ADAM22: variants seen among roughly 807,000 people sequenced by gnomAD.
ADAM22 encodes the protein disintegrin and metalloproteinase domain-containing protein 22.
In ADAM22, 65 loss-of-function variants were observed where a neutral mutation model predicts 144.6. The ratio of observed to expected loss-of-function variants is 0.45; its 90% CI spans 0.37 to 0.55. ADAM22 has a LOEUF of 0.55. Among genes scored for constraint, ADAM22 ranks in the 20% least tolerant of loss-of-function variants. ADAM22 has a pLI of 0.00. For synonymous variants in ADAM22, 391 were observed against 412.6 expected, an observed-to-expected ratio of 0.95 and a Z score of 0.63; for missense variants, 974 against 1,184.9, an observed-to-expected ratio of 0.82 and a Z score of 2.61.
intron 2 of ADAM22, among the ~76,000 whole-genome samples, chr7:87,969,463 T>G (rs541271795): frequency 1.3e-5 from 2 of 152,346 alleles, no homozygotes; most frequent in Admixed American, 1.3e-4. Flanking sequence ...CTTCCTCTTG[T>G]GACTGTGAGT....
intron 3 of ADAM22, among the ~76,000 whole-genome samples, chr7:88,018,641 A>G (rs1224915144): frequency 6.6e-6 from 1 of 152,206 alleles, no homozygotes. Flanking sequence ...AAAGAAACCA[A>G]TCTTTCCAAG....
chr7:87,962,186 A>G (rs747032505), intron 2 of ADAM22, among the ~76,000 whole-genome samples: 10 of 152,270 alleles, frequency 6.6e-5, no homozygotes, highest in Non-Finnish European at 1.2e-4. Context: ...TTACTAGAGA[A>G]CTCACAAGGA....
intron 3 of ADAM22, among the ~76,000 whole-genome samples, chr7:88,030,530 C>T (rs1799994513): frequency 6.6e-6 from 1 of 152,086 alleles, no homozygotes; most frequent in Non-Finnish European, 1.5e-5. Context: ...ACCCAAATCT[C>T]ATGTTGAATT....
At chr7:88,133,086 G>A in intron 12 of ADAM22, 135 bp downstream of exon 12, 1 of 704,530 alleles carries the variant, frequency 1.4e-6, no homozygotes, top group Admixed American at 2.9e-5. Context: ...ATGGTGGCCT[G>A]GCACAATGGC....
intron 3 of ADAM22, among the ~76,000 whole-genome samples, chr7:88,040,821 G>A (rs1437885866): frequency 1.3e-5 from 2 of 151,900 alleles, no homozygotes; most frequent in African/African-American, 4.8e-5. Flanking sequence ...TACATCTGAG[G>A]TTTGGGGGTT....
At chr7:88,060,040 A>G (rs1375811795) in intron 3 of ADAM22, among the ~76,000 whole-genome samples, 2 of 152,204 alleles carry the variant, frequency 1.3e-5, no homozygotes, top group Non-Finnish European at 2.9e-5. Context: ...ACTATATTAT[A>G]GTCTAGTAAG....
In ADAM22 at chr7:88,201,265, G is replaced by T. The variant is rs1851185247; in HGVS notation, c.*4774G>T. On this transcript the variant is annotated 3_prime_UTR_variant, in exon 32 of 32. Transcript: ENST00000413139. The stretch of plus-strand genomic sequence containing the variant: ...CCCTAGGATGCTCTAGGGAGTAGAG[G>T]TGGCAGGCATCTTTATCTTCACCCA... 1 of 152,206 alleles carries T rather than the reference G, an allele frequency of 6.6e-6. No homozygotes were observed. Among genetic ancestry groups the T allele is most frequent in the South Asian group, 2.1e-4 (1 of 4,824 alleles). 9.4% of individuals were successfully genotyped at this position (152,206 alleles called of 1,614,324 possible).
At chr7:88,070,570 G>A (rs1032367079) in intron 3 of ADAM22, among the ~76,000 whole-genome samples, 3 of 152,170 alleles carry the variant, frequency 2.0e-5, no homozygotes, top group Non-Finnish European at 4.4e-5. Flanking sequence ...TCTTATGCAA[G>A]CATCACTTCA....
intron 4 of ADAM22, among the ~76,000 whole-genome samples, chr7:88,098,920 T>C (rs1822175314): frequency 6.6e-6 from 1 of 152,228 alleles, no homozygotes. Context: ...CACCAATGAA[T>C]GTTGAAATAG....
chr7:87,945,516 CTTTT>C (rs773312797), intron 2 of ADAM22, among the ~76,000 whole-genome samples: 2 of 140,766 alleles, frequency 1.4e-5, no homozygotes, highest in South Asian at 2.2e-4. Flanking sequence ...TCTTTTCTTT[CTTTT>C]TTTTTTTTTT....
rs1447499095 is a variant in ADAM22, at chr7:88,202,059, GTAA to G, written c.*5574_*5576del. The G allele has an allele frequency of 2.0e-5, 3 of 152,108 alleles. No individual in the cohort carries two copies. The highest frequency in any genetic ancestry group is 4.4e-5 in the Non-Finnish European group (3 of 68,018). The allele number at this position is 152,108 out of a possible 1,614,324, so 9.4% of individuals were successfully genotyped here. ...CAGAAAATGCTGATATGAATACTTA[GTAA>G]TAATACAAAAGTTCCTGCTAAATTA... On this transcript the variant is annotated 3_prime_UTR_variant, in exon 32 of 32. Transcript: ENST00000413139.
At chr7:88,019,000 T>C (rs1434457312) in intron 3 of ADAM22, among the ~76,000 whole-genome samples, 1 of 152,166 alleles carries the variant, frequency 6.6e-6, no homozygotes, top group Non-Finnish European at 1.5e-5. Context: ...GTAAGAGTAT[T>C]TATCTCATGA....
At chr7:88,055,683 G>A (rs1808058952) in intron 3 of ADAM22, among the ~76,000 whole-genome samples, 1 of 152,132 alleles carries the variant, frequency 6.6e-6, no homozygotes, top group Non-Finnish European at 1.5e-5. Context: ...TTCTCCATAG[G>A]GAGGGTAAGA....
intron 26 of ADAM22, among the ~76,000 whole-genome samples, chr7:88,178,124 A>G (rs1846120359): frequency 1.3e-5 from 2 of 152,190 alleles, no homozygotes; most frequent in Non-Finnish European, 2.9e-5. Flanking sequence ...ATCTTAATTT[A>G]TTGAAAATCA....
chr7:87,939,999 C>T (rs1012935782), intron 2 of ADAM22, among the ~76,000 whole-genome samples: 5 of 151,840 alleles, frequency 3.3e-5, no homozygotes, highest in African/African-American at 1.2e-4. Flanking sequence ...TCGAGACCAG[C>T]CTGACCAATA....
At position 87,934,365 on chromosome 7, in the gene ADAM22, T is replaced by A. The variant is rs916461380; in HGVS notation, c.-101T>A. The A allele has an allele frequency of 1.5e-5, 17 of 1,168,616 alleles. No homozygotes were observed. The African/African-American group carries it at 2.2e-4, about 15-fold the overall frequency. 72.4% of individuals were successfully genotyped at this position (1,168,616 alleles called of 1,614,324 possible). A position where few individuals can be genotyped will look rare whatever the true frequency, so the allele number is the denominator to read the frequency against. On this transcript the variant is annotated 5_prime_UTR_variant, in exon 1 of 32. Coordinates refer to ENST00000413139, the MANE Select transcript of ADAM22 (RefSeq NM_001324418.2). ...AGCACCGGCCGGGGCTGGGTGGAGG[T>A]GGCCGCGGGGACCCCGGGGGCGCGG...
chr7:88,096,777 C>G lies in ADAM22; in HGVS notation c.391-11399C>G, dbSNP rs1821446078. Among the ~76,000 whole-genome samples, 3 of 152,196 alleles carry G rather than the reference C, an allele frequency of 2.0e-5. No individual in the cohort carries two copies. The South Asian group carries it at 6.2e-4, about 32-fold the overall frequency. On this transcript the variant is annotated intron_variant, in intron 4 of 31. Transcript: ENST00000413139. ...GCAAATCATGGAACAAGAAGGGACT[C>G]TGGTGGTTCAACTCCCTTCTTGATT...
intron 2 of ADAM22, among the ~76,000 whole-genome samples, chr7:87,959,542 G>C (rs1847582186): frequency 6.6e-6 from 1 of 152,104 alleles, no homozygotes; most frequent in Non-Finnish European, 1.5e-5. Flanking sequence ...ATCTAGCTTT[G>C]GTCTCACTGC....
chr7:88,017,298 G>A (rs1049756845), intron 3 of ADAM22, among the ~76,000 whole-genome samples: 1 of 152,054 alleles, frequency 6.6e-6, no homozygotes. Flanking sequence ...CAAAGAAATG[G>A]CAAATGTTTA....
Sources: allele counts gnomAD v4.1 joint callset (sites outside exome capture counted in the v4.1 genomes callset), GRCh38; gene constraint gnomAD v4.1.1; transcripts MANE v1.5; gene names NCBI Gene and HGNC (gene_info 2026-07-23, HGNC 2026-07-21).